The following LOC128092252 variants were observed in gnomAD, a reference collection of about 807,000 sequenced individuals.
the LOC128092252 span, among the ~76,000 whole-genome samples, chr15:50,678,517 AATAT>A: frequency 0.035 from 4,631 of 132,496 alleles, 103 homozygotes; most frequent in Middle Eastern, 0.07. Context: ...AAAAAAAAAA[AATAT>A]ATATATATAT....
chr15:50,663,356 C>A, the LOC128092252 span, among the ~76,000 whole-genome samples: 1 of 152,176 alleles, frequency 6.6e-6, no homozygotes, highest in African/African-American at 2.4e-5. Flanking sequence ...TAACGCCCGA[C>A]CTCAGGTGAT....
chr15:50,649,843 G>C, the LOC128092252 span, among the ~76,000 whole-genome samples: 1 of 152,042 alleles, frequency 6.6e-6, no homozygotes, highest in Non-Finnish European at 1.5e-5. Context: ...AAAAGAGGAG[G>C]GAGCTACAAC....
At chr15:50,670,696 TA>T in the LOC128092252 span, among the ~76,000 whole-genome samples, 2 of 150,584 alleles carry the variant, frequency 1.3e-5, no homozygotes, top group East Asian at 3.9e-4. Context: ...GAAATAACCA[TA>T]AAAGTGGGCA....
the LOC128092252 span, among the ~76,000 whole-genome samples, chr15:50,685,451 T>A: frequency 6.6e-6 from 1 of 152,230 alleles, no homozygotes; most frequent in East Asian, 1.9e-4. Flanking sequence ...AGTGAGACCC[T>A]GTCTCAAAAC....
the LOC128092252 span, among the ~76,000 whole-genome samples, chr15:50,678,395 G>C: frequency 4.6e-5 from 7 of 151,076 alleles, no homozygotes; most frequent in African/African-American, 7.3e-5. Flanking sequence ...AATAAGACTA[G>C]CCTAAAGCAA....
At chr15:50,673,634 G>GTA in the LOC128092252 span, among the ~76,000 whole-genome samples, 7,570 of 150,288 alleles carry the variant, frequency 0.05, 212 homozygotes, top group Middle Eastern at 0.11. Flanking sequence ...GTATTCCCTC[G>GTA]TATATATATA....
the LOC128092252 span, among the ~76,000 whole-genome samples, chr15:50,655,174 G>A: frequency 2.1e-5 from 3 of 142,310 alleles, no homozygotes; most frequent in East Asian, 2.0e-4. Context: ...AGTGGCTCAC[G>A]CCTGTAATCC....
the LOC128092252 span, chr15:50,657,747 C>G: frequency 6.3e-7 from 1 of 1,592,564 alleles, no homozygotes; most frequent in Non-Finnish European, 8.6e-7. Flanking sequence ...ATTTATTTTC[C>G]GAAATTTGTG....
chr15:50,657,696 T>C, the LOC128092252 span: 102 of 1,211,490 alleles, frequency 8.4e-5, 1 homozygote, highest in Non-Finnish European at 1.2e-4. Flanking sequence ...GTGAGTTTCA[T>C]GCCACTGTGT....
chr15:50,649,450 AAG>A, the LOC128092252 span, among the ~76,000 whole-genome samples: 1 of 150,908 alleles, frequency 6.6e-6, no homozygotes, highest in Non-Finnish European at 1.5e-5. Flanking sequence ...AAAAAAAAAA[AAG>A]AAAGAAAGAA....
the LOC128092252 span, among the ~76,000 whole-genome samples, chr15:50,660,799 G>A: frequency 3.9e-5 from 6 of 152,080 alleles, no homozygotes; most frequent in Non-Finnish European, 8.8e-5. Context: ...AAAGATTCTG[G>A]CATTACATAA....
the LOC128092252 span, among the ~76,000 whole-genome samples, chr15:50,679,527 T>TATATATGTGTATATATATA: frequency 4.0e-5 from 2 of 50,004 alleles, no homozygotes; most frequent in African/African-American, 8.9e-5. Context: ...TATATATATA[T>TATATATGTGTATATATATA]ATATATATAT....
chr15:50,678,906 C>T, the LOC128092252 span, among the ~76,000 whole-genome samples: 2 of 152,136 alleles, frequency 1.3e-5, no homozygotes, highest in Non-Finnish European at 2.9e-5. Flanking sequence ...CGAAGTCTCG[C>T]TCTGTCACCC....
chr15:50,660,186 A>C, the LOC128092252 span, among the ~76,000 whole-genome samples: 2 of 152,306 alleles, frequency 1.3e-5, no homozygotes, highest in East Asian at 3.9e-4. Flanking sequence ...AATCAGAATA[A>C]ATCATAGACT....
chr15:50,658,116 T>C, the LOC128092252 span, among the ~76,000 whole-genome samples: 3 of 151,384 alleles, frequency 2.0e-5, no homozygotes, highest in African/African-American at 7.3e-5. Context: ...ACCACTCTCC[T>C]GCCTCAGCCT....
At chr15:50,659,299 T>A in the LOC128092252 span, among the ~76,000 whole-genome samples, 2 of 152,176 alleles carry the variant, frequency 1.3e-5, no homozygotes, top group Non-Finnish European at 2.9e-5. Context: ...ATCATCTGCT[T>A]GGACATACAA....
the LOC128092252 span, among the ~76,000 whole-genome samples, chr15:50,678,671 GTT>G: frequency 6.6e-6 from 1 of 151,894 alleles, no homozygotes; most frequent in Non-Finnish European, 1.5e-5. Context: ...CCCTATGAGA[GTT>G]TTAAAGATAT....
chr15:50,660,519 G>A, the LOC128092252 span, among the ~76,000 whole-genome samples: 2 of 152,240 alleles, frequency 1.3e-5, no homozygotes, highest in Non-Finnish European at 2.9e-5. Flanking sequence ...AGTGGGCGTG[G>A]TAGCGCATGC....
the LOC128092252 span, among the ~76,000 whole-genome samples, chr15:50,679,390 T>C: frequency 6.0e-5 from 9 of 148,960 alleles, no homozygotes. Flanking sequence ...GAGTAAGCCA[T>C]ATCAACCCAT....
Sources: allele counts gnomAD v4.1 joint callset (sites outside exome capture counted in the v4.1 genomes callset), GRCh38; gene constraint gnomAD v4.1.1; transcripts MANE v1.5.